Variants in KATNBL1 observed in about 807,000 individuals in gnomAD.
KATNBL1 encodes KATNB1-like protein 1.
In KATNBL1, 28 loss-of-function variants were observed where a neutral mutation model predicts 44.7. The ratio of observed to expected loss-of-function variants is 0.63; its 90% CI spans 0.46 to 0.86. The LOEUF (loss-of-function observed/expected upper bound fraction) is 0.86, where lower values mean the gene tolerates loss of function less well. KATNBL1 is among the 40% of genes least tolerant of loss of function. KATNBL1 has a pLI of 0.00. For synonymous variants in KATNBL1, 78 were observed against 114.9 expected (o/e 0.68, Z 2.06); for missense variants, 272 against 350.7 (o/e 0.78, Z 1.79).
At chr15:34,149,023 T>C (rs916308300) in intron 4 of KATNBL1, among the ~76,000 whole-genome samples, 1 of 152,210 alleles carries the variant, frequency 6.6e-6, no homozygotes, top group Non-Finnish European at 1.5e-5. Flanking sequence ...TAGGACTTAA[T>C]TTATAACATG....
chr15:34,199,081 AAG>A (rs766160166), intron 1 of KATNBL1, among the ~76,000 whole-genome samples: 1 of 152,164 alleles, frequency 6.6e-6, no homozygotes, highest in Non-Finnish European at 1.5e-5. Context: ...TGTCCAGCAA[AAG>A]GGTACCCCAT....
chr15:34,203,822 T>C lies in KATNBL1; in HGVS notation c.-15+6129A>G, dbSNP rs183610050. Among the ~76,000 whole-genome samples the C allele has an allele frequency of 4.2e-3, 631 of 150,728 alleles. 2 individuals carry two copies. Among genetic ancestry groups the C allele is most frequent in the Admixed American group, 6.7e-3 (101 of 15,138 alleles). On this transcript the variant is annotated intron_variant, in intron 1 of 9. Transcript: ENST00000256544. ...GCATGTTCTCACTCATAAGTGGGAGTTGAACAATGAGAACACATGGATACA... is the reference window on the plus strand; with the variant it reads ...GCATGTTCTCACTCATAAGTGGGAGCTGAACAATGAGAACACATGGATACA...
chr15:34,193,229 A>AAAAAAAC (rs1327627719), intron 1 of KATNBL1, among the ~76,000 whole-genome samples: 8 of 127,824 alleles, frequency 6.3e-5, no homozygotes, highest in Non-Finnish European at 1.0e-4. Context: ...AAAAAAAAAA[A>AAAAAAAC]AAAAAACAAA....
At chr15:34,191,186 T>TATATATATATATATATATATA (rs1420428369) in intron 1 of KATNBL1, among the ~76,000 whole-genome samples, 2 of 131,104 alleles carry the variant, frequency 1.5e-5, no homozygotes, top group Non-Finnish European at 3.3e-5. Flanking sequence ...TATATATATA[T>TATATATATATATATATATATA]ATTTGGTAGG....
intron 1 of KATNBL1, among the ~76,000 whole-genome samples, chr15:34,169,103 G>A (rs1889075958): frequency 6.6e-6 from 1 of 152,126 alleles, no homozygotes; most frequent in African/African-American, 2.4e-5. Context: ...CAGAACTGAA[G>A]GAGATAGAGA....
chr15:34,174,469 C>T (rs533454431), intron 1 of KATNBL1, among the ~76,000 whole-genome samples: 1 of 152,228 alleles, frequency 6.6e-6, no homozygotes, highest in East Asian at 1.9e-4. Flanking sequence ...TAGACTTAAG[C>T]TCTGACATAC....
intron 1 of KATNBL1, among the ~76,000 whole-genome samples, chr15:34,202,582 C>G (rs1405092176): frequency 6.6e-6 from 1 of 152,184 alleles, no homozygotes; most frequent in Non-Finnish European, 1.5e-5. Flanking sequence ...AATGCCTCCT[C>G]TCTCAGGGAA....
chr15:34,199,872 G>T (rs942985461), intron 1 of KATNBL1: 2 of 152,044 alleles, frequency 1.3e-5, no homozygotes, highest in African/African-American at 4.8e-5. Context: ...TCCACGGTGT[G>T]GAAGATGACC....
At chr15:34,181,348 T>C (rs562375827) in intron 1 of KATNBL1, among the ~76,000 whole-genome samples, 70 of 152,072 alleles carry the variant, frequency 4.6e-4, no homozygotes, top group Non-Finnish European at 8.2e-4. Flanking sequence ...CCAAGAAACA[T>C]AGTTTTTGGA....
At chr15:34,169,133 A>C (rs1167385525) in intron 1 of KATNBL1, among the ~76,000 whole-genome samples, 2 of 152,226 alleles carry the variant, frequency 1.3e-5, no homozygotes, top group Admixed American at 1.3e-4. Context: ...CCTTCAAAAA[A>C]AATCAATGAA....
chr15:34,169,070 G>C (rs937940749), intron 1 of KATNBL1, among the ~76,000 whole-genome samples: 9 of 151,954 alleles, frequency 5.9e-5, no homozygotes, highest in African/African-American at 9.7e-5. Context: ...GTAGCAGAAG[G>C]CAAGAAATAA....
chr15:34,161,479 T>G (rs1249626278), intron 2 of KATNBL1, among the ~76,000 whole-genome samples: 1 of 152,186 alleles, frequency 6.6e-6, no homozygotes, highest in African/African-American at 2.4e-5. Flanking sequence ...CAAAGAAGAA[T>G]CAGCACTCTG....
At chr15:34,165,657 G>A (rs1053662783) in intron 1 of KATNBL1, among the ~76,000 whole-genome samples, 2 of 152,076 alleles carry the variant, frequency 1.3e-5, no homozygotes, top group Non-Finnish European at 2.9e-5. Flanking sequence ...TTAGCAGGGC[G>A]TGGTGGTGGG....
intron 1 of KATNBL1, among the ~76,000 whole-genome samples, chr15:34,206,610 G>A (rs1204287657): frequency 2.6e-5 from 4 of 152,094 alleles, no homozygotes; most frequent in African/African-American, 9.7e-5. Flanking sequence ...GGCCGACATG[G>A]CGAAACCCCG....
intron 1 of KATNBL1, among the ~76,000 whole-genome samples, chr15:34,191,686 A>G (rs58875083): frequency 0.33 from 50,421 of 151,724 alleles, 8,952 homozygotes; most frequent in African/African-American, 0.47. Flanking sequence ...AGTGGCTCAC[A>G]CCTGTAATCC....
intron 1 of KATNBL1, among the ~76,000 whole-genome samples, chr15:34,165,012 C>T (rs1292967989): frequency 6.6e-6 from 1 of 152,214 alleles, no homozygotes; most frequent in Non-Finnish European, 1.5e-5. Flanking sequence ...AGATTTCTTA[C>T]AGCTAATTAA....
At chr15:34,203,125 A>C (rs1175747954) in intron 1 of KATNBL1, among the ~76,000 whole-genome samples, 1 of 152,206 alleles carries the variant, frequency 6.6e-6, no homozygotes, top group African/African-American at 2.4e-5. Context: ...TAACATATTA[A>C]AAATAGAACC....
chr15:34,207,720 C>T (rs1890331605), intron 1 of KATNBL1, among the ~76,000 whole-genome samples: 1 of 152,206 alleles, frequency 6.6e-6, no homozygotes, highest in Admixed American at 6.5e-5. Context: ...CCCACCCCAG[C>T]CTCCCAAGTA....
chr15:34,199,491 T>C (rs555344575), intron 1 of KATNBL1: 6 of 152,314 alleles, frequency 3.9e-5, no homozygotes, highest in African/African-American at 1.2e-4. Context: ...CATTATTAAA[T>C]ATTCAAATCA....
Sources: gnomAD v4.1 joint callset for allele counts (sites outside exome capture counted in the v4.1 genomes callset) on GRCh38, gnomAD v4.1.1 for gene constraint, MANE v1.5 for transcripts, NCBI Gene and HGNC (gene_info 2026-07-23, HGNC 2026-07-21) for gene names.